Variants in AKAP7 observed in about 807,000 individuals in gnomAD.
AKAP7 encodes A-kinase anchoring protein 7, also known as A kinase (PRKA) anchor protein 7.
In AKAP7, 39 loss-of-function variants were observed where a neutral mutation model predicts 39.5. The observed-to-expected ratio is 0.99, with a 90% CI of 0.76 to 1.29. The LOEUF is 1.29. Ranked by LOEUF, AKAP7 falls within the 50% of genes most tolerant of loss-of-function variation. AKAP7 has a pLI of 0.00. For missense variants in AKAP7, 414 were observed against 407.7 expected (o/e 1.02, Z -0.13); for synonymous variants, 140 against 139.1 (o/e 1.01, Z -0.05).
rs575558302 is a variant in AKAP7 at position 131,229,919 on chromosome 6, G to A, written c.850+10111G>A. ...TTTAATTGTTGCTGCAAAGGACATGGTTTTGTTCTTTTTTATGTCTGTGTA... is the reference window on the plus strand; with the variant it reads ...TTTAATTGTTGCTGCAAAGGACATGATTTTGTTCTTTTTTATGTCTGTGTA... On this transcript the variant is annotated intron_variant, in intron 7 of 7. Coordinates refer to ENST00000431975, the MANE Select transcript of AKAP7 (RefSeq NM_016377.4). Among the ~76,000 whole-genome samples, 18 of 152,230 alleles carry A rather than the reference G, an allele frequency of 1.2e-4. No homozygotes were observed. The South Asian group carries it at 3.7e-3, about 32-fold the overall frequency.
chr6:131,169,037 G>T, intron 4 of AKAP7, 76 bp from the exon 5 acceptor site: 1 of 1,262,586 alleles, frequency 7.9e-7, no homozygotes, highest in Non-Finnish European at 1.1e-6. Context: ...TTCTAAAACT[G>T]GTACTTTGTA....
intron 1 of AKAP7, among the ~76,000 whole-genome samples, chr6:131,140,456 ATTGAC>A (rs1800936872): frequency 6.6e-6 from 1 of 152,222 alleles, no homozygotes; most frequent in Non-Finnish European, 1.5e-5. Flanking sequence ...TTATTTAAAA[ATTGAC>A]TTAATTTAAT....
At chr6:131,194,821 T>C (rs1210903643) in intron 5 of AKAP7, among the ~76,000 whole-genome samples, 1 of 151,888 alleles carries the variant, frequency 6.6e-6, no homozygotes, top group African/African-American at 2.4e-5. Flanking sequence ...GTTTTTGTCT[T>C]GAAATGTATT....
At chr6:131,225,975 A>G (rs1226389276) in intron 7 of AKAP7, among the ~76,000 whole-genome samples, 1 of 152,214 alleles carries the variant, frequency 6.6e-6, no homozygotes, top group Non-Finnish European at 1.5e-5. Context: ...TTACTTGCCA[A>G]TACTAGTGTG....
intron 6 of AKAP7, among the ~76,000 whole-genome samples, chr6:131,210,158 A>G (rs557426879): frequency 6.6e-6 from 1 of 152,370 alleles, no homozygotes; most frequent in African/African-American, 2.4e-5. Context: ...TAACTAGTTT[A>G]TATCAGAATT....
At chr6:131,129,473 G>A in the AKAP7 span, among the ~76,000 whole-genome samples, 1 of 151,884 alleles carries the variant, frequency 6.6e-6, no homozygotes, top group Non-Finnish European at 1.5e-5. Flanking sequence ...GTATATCTAT[G>A]TCTAAAAAGA....
Position 131,281,642 on chromosome 6 carries a change from T to TA in AKAP7, c.968dup (p.Asn323LysfsTer15). On this transcript the variant is annotated frameshift_variant, in exon 8 of 8. Transcript: ENST00000431975. LOFTEE classifies it high-confidence loss of function. This position sits in a 1 kb window ranked among gnomAD's most constrained non-coding sequence, Gnocchi z 4.0. ...AGCAGTATCTGGAGGAAACACAGAA[T>TA]AAAAACAAGCCGGGGGAGGGGAGCT... is the stretch of plus-strand genomic sequence containing the variant. 3.1e-6 allele frequency: 5 copies of TA among 1,610,864 alleles called. No homozygotes were observed. Among genetic ancestry groups the TA allele is most frequent in the Non-Finnish European group, 3.4e-6 (4 of 1,178,700 alleles).
chr6:131,176,857 C>A lies in AKAP7; in HGVS notation c.589+7584C>A, dbSNP rs138085017. On this transcript the variant is annotated intron_variant, in intron 5 of 7. Coordinates refer to ENST00000431975, the MANE Select transcript of AKAP7 (RefSeq NM_016377.4). ...GTCCCAGCAGCCTGCTAACCGTTCC[C>A]CTAATGGCTTGGGCTACGCTTTCTT... Among the ~76,000 whole-genome samples, 33 of 152,230 alleles carry A rather than the reference C, an allele frequency of 2.2e-4. 1 individual carries two copies. In the East Asian group the frequency reaches 6.2e-3, roughly 29 times the overall value.
At position 131,252,906 on chromosome 6, in the gene AKAP7, A is replaced by C; in HGVS notation, c.851-28624A>C. On this transcript the variant is annotated intron_variant, in intron 7 of 7. Coordinates refer to ENST00000431975, the MANE Select transcript of AKAP7 (RefSeq NM_016377.4). ...AAAAGCAGAGCACAAAAATGTGAAT[A>C]CTCACTTCTTCTAATTCTGTAACAG... 3 of 844,994 alleles carry C rather than the reference A, an allele frequency of 3.6e-6. No homozygotes were observed. The Admixed American group carries it at 6.8e-5, about 19-fold the overall frequency. The allele number at this position is 844,994 out of a possible 1,614,324, so 52.3% of individuals were successfully genotyped here.
chr6:131,252,354 C>G (rs1812510786), intron 7 of AKAP7, among the ~76,000 whole-genome samples: 1 of 152,164 alleles, frequency 6.6e-6, no homozygotes, highest in South Asian at 2.1e-4. Context: ...ACCCCTGCCC[C>G]CATTCACTCC....
Position 131,224,730 on chromosome 6 carries a change from CTTTTTTTTTT to C in AKAP7, c.850+4942_850+4951del, listed in dbSNP as rs779047229. 4.0e-4 allele frequency among the ~76,000 whole-genome samples: 22 copies of C among 55,110 alleles called. 1 individual carries two copies. Among genetic ancestry groups the C allele is most frequent in the African/African-American group, 8.8e-4 (12 of 13,686 alleles). 36.2% of individuals were successfully genotyped at this position (55,110 alleles called of 152,430 possible). A position where few individuals can be genotyped will look rare whatever the true frequency, so the allele number is the denominator to read the frequency against. The stretch of plus-strand genomic sequence containing the variant: ...GTTTGTAAAGTTTCCAGTTGATTCA[CTTTTTTTTTT>C]TTTTTTTTTTTTTTTTTTTGAGACA... On this transcript the variant is annotated intron_variant, in intron 7 of 7. Coordinates refer to ENST00000431975, the MANE Select transcript of AKAP7 (RefSeq NM_016377.4).
intron 7 of AKAP7, among the ~76,000 whole-genome samples, chr6:131,249,600 CATAAACTAAGGCTATTCCCTCT>C (rs1353725790): frequency 1.3e-5 from 2 of 152,096 alleles, no homozygotes; most frequent in African/African-American, 2.4e-5. Flanking sequence ...CCTAGAGTGT[CATAAACTAAGGCTATTCCCTCT>C]ATAAGATAAC....
intron 7 of AKAP7, among the ~76,000 whole-genome samples, chr6:131,267,123 A>T (rs1179568175): frequency 6.6e-6 from 1 of 152,212 alleles, no homozygotes; most frequent in Non-Finnish European, 1.5e-5. Flanking sequence ...CTAATTTTGA[A>T]TAATTTTAAA....
At chr6:131,128,470 C>T in the AKAP7 span, among the ~76,000 whole-genome samples, 1 of 152,230 alleles carries the variant, frequency 6.6e-6, no homozygotes, top group East Asian at 1.9e-4. Flanking sequence ...TTTCAAAAGG[C>T]TTGTAATAAT....
intron 5 of AKAP7, among the ~76,000 whole-genome samples, chr6:131,197,524 C>T (rs1807056924): frequency 6.6e-6 from 1 of 152,120 alleles, no homozygotes; most frequent in African/African-American, 2.4e-5. Context: ...CTCGAAGTTG[C>T]CCCACAGCTT....
intron 3 of AKAP7, among the ~76,000 whole-genome samples, chr6:131,163,402 G>A (rs980455105): frequency 6.6e-6 from 1 of 152,146 alleles, no homozygotes; most frequent in African/African-American, 2.4e-5. Flanking sequence ...AGCTTTTGTG[G>A]GAAGGCTTGG....
intron 7 of AKAP7, chr6:131,250,677 C>A: frequency 6.4e-7 from 1 of 1,560,686 alleles, no homozygotes; most frequent in Non-Finnish European, 8.8e-7. Context: ...CGGTTGTCTT[C>A]TAGGGGTAGT....
intron 5 of AKAP7, among the ~76,000 whole-genome samples, chr6:131,182,225 C>T (rs1380008969): frequency 6.6e-6 from 1 of 152,084 alleles, no homozygotes; most frequent in Non-Finnish European, 1.5e-5. Flanking sequence ...TAAGTATATT[C>T]ACATTATTGT....
At chr6:131,207,318 A>T (rs76157399) in intron 6 of AKAP7, among the ~76,000 whole-genome samples, 5 of 139,986 alleles carry the variant, frequency 3.6e-5, no homozygotes, top group Admixed American at 7.2e-5. Flanking sequence ...TACTCTACAC[A>T]TTTTTTTTTT....
Sources: allele counts gnomAD v4.1 joint callset (sites outside exome capture counted in the v4.1 genomes callset), GRCh38; gene constraint gnomAD v4.1.1; non-coding constraint Gnocchi (gnomAD v3.1); transcripts MANE v1.5; gene names NCBI Gene and HGNC (gene_info 2026-07-23, HGNC 2026-07-21).